IDH3B: variants seen among roughly 807,000 people sequenced by gnomAD.
IDH3B encodes isocitrate dehydrogenase (NAD(+)) 3 non-catalytic subunit beta, also known as isocitrate dehydrogenase [NAD] subunit beta, mitochondrial.
Under a neutral mutation model 47.5 loss-of-function variants are expected in IDH3B, and 40 were observed. The ratio of observed to expected loss-of-function variants is 0.84; its 90% CI spans 0.65 to 1.10. The LOEUF is 1.10. Ranked by LOEUF, IDH3B falls within the 50% of genes least tolerant of loss-of-function variation. The probability of loss-of-function intolerance (pLI) is 0.00; values close to 1 mark genes in which losing one functional copy is unlikely to be tolerated. For synonymous variants in IDH3B, 185 were observed against 191.0 expected (o/e 0.97, Z 0.26); for missense variants, 450 against 505.2 (o/e 0.89, Z 1.05).
chr20:2,662,751 G>A (rs1286661805), intron 4 of IDH3B, among the ~76,000 whole-genome samples: 4 of 152,234 alleles, frequency 2.6e-5, no homozygotes, highest in South Asian at 2.1e-4. Flanking sequence ...TCAGGAGTTC[G>A]AGACCAGCCT....
In IDH3B at chr20:2,658,470, G is replaced by A; in HGVS notation, c.*281C>T. The A allele has an allele frequency of 3.1e-6, 5 of 1,614,142 alleles. No homozygotes were observed. Among genetic ancestry groups the A allele is most frequent in the Non-Finnish European group, 4.2e-6 (5 of 1,180,004 alleles). ...TGGGTGGGGCAAGGCAGCAATGACAGCCTCAGTGAAGTCATGGCAAGTAGC... is the reference window on the plus strand; with the variant it reads ...TGGGTGGGGCAAGGCAGCAATGACAACCTCAGTGAAGTCATGGCAAGTAGC... On this transcript the variant is annotated 3_prime_UTR_variant, in exon 12 of 12. Transcript: ENST00000380843.
In IDH3B at chr20:2,660,275, G is replaced by A. The variant is rs767970629; in HGVS notation, c.756C>T (p.Asn252=). 3 of 1,614,118 alleles carry A rather than the reference G, an allele frequency of 1.9e-6. No homozygotes were observed. Among genetic ancestry groups the A allele is most frequent in the Admixed American group, 1.7e-5 (1 of 60,014 alleles). The change falls in exon 8 of 12, where the codon AAC becomes AAT. Residue 252 remains asparagine, a synonymous_variant. Transcript: ENST00000380843. This position sits in a 1 kb window ranked among gnomAD's most constrained non-coding sequence, Gnocchi z 5.6. ...KIKFETMIID[N]CCMQLVQNPY... Reference sequence around the variant, plus strand: ...GGGGAGGCCTCACCTGCATGCAGCAGTTGTCTATGATCATTGTCTCAAATT... The same window carrying A: ...GGGGAGGCCTCACCTGCATGCAGCAATTGTCTATGATCATTGTCTCAAATT...
At position 2,659,839 on chromosome 20, in the gene IDH3B, G is replaced by T. The variant is rs375706957; in HGVS notation, c.916-46C>A. ...TAGACACTGGGAGGAGGCAGGAGGG[G>T]TATGCAGAGGCTTAGGTTGGAAAAG... On this transcript the variant is annotated intron_variant, in intron 9 of 11. Coordinates refer to ENST00000380843, the MANE Select transcript of IDH3B (RefSeq NM_006899.5). The T allele has an allele frequency of 1.3e-4, 194 of 1,495,230 alleles. No homozygotes were observed. In the African/African-American group the frequency reaches 2.4e-3, roughly 19 times the overall value. 92.6% of individuals were successfully genotyped at this position (1,495,230 alleles called of 1,614,324 possible). A position where few individuals can be genotyped will look rare whatever the true frequency, so the allele number is the denominator to read the frequency against.
At position 2,664,173 on chromosome 20, in the gene IDH3B, C is replaced by T. The variant is rs760454593; in HGVS notation, c.16G>A (p.Gly6Arg). MAALS[G>R]VRWLTRALVS... ...CTCACTCGGGTCAGCCAGCGGACTC[C>T]GCTCAATGCCGCCATGTTTCCCGCA... Residue 6 changes from glycine (G) to arginine (R), a missense_variant, in exon 1 of 12, where the codon GGA becomes AGA. Physicochemically the swap from Gly to Arg is moderately radical, Grantham distance 125. Coordinates refer to ENST00000380843, the MANE Select transcript of IDH3B (RefSeq NM_006899.5). 3.1e-6 allele frequency: 5 copies of T among 1,613,600 alleles called. No homozygotes were observed. Among genetic ancestry groups the T allele is most frequent in the East Asian group, 2.2e-5 (1 of 44,868 alleles).
rs371831187 is a variant in IDH3B, at chr20:2,660,386, A to G, written c.666-21T>C. On this transcript the variant is annotated intron_variant, in intron 7 of 11. Coordinates refer to ENST00000380843, the MANE Select transcript of IDH3B (RefSeq NM_006899.5). The surrounding 1 kb of genome is among the most constrained non-coding windows in gnomAD (Gnocchi z 5.6). The stretch of plus-strand genomic sequence containing the variant: ...GTTTCCTGTCCATGGGCCAAAGGGG[A>G]CAGAATCAGCCAAGAAAGTACAGGG... 1.3e-5 allele frequency: 21 copies of G among 1,613,876 alleles called. No individual in the cohort carries two copies. Among genetic ancestry groups the G allele is most frequent in the Admixed American group, 5.0e-5 (3 of 59,984 alleles).
intron 11 of IDH3B, 69 bp from the exon 12 acceptor site, chr20:2,658,906 GTGAT>G: frequency 6.2e-7 from 1 of 1,603,964 alleles, no homozygotes; most frequent in Non-Finnish European, 8.5e-7. Context: ...GTAGGGCAAT[GTGAT>G]TGAGGAAATG....
At position 2,660,828 on chromosome 20, in the gene IDH3B, G is replaced by C. The variant is rs757627319; in HGVS notation, c.400C>G (p.Arg134Gly). Reference sequence around the variant, plus strand: ...ACGTTGGCAAATAAGTCCAACTTACGCCTGAGGGTGGGCAGGGCCATCAGC... The same window carrying C: ...ACGTTGGCAAATAAGTCCAACTTACCCCTGAGGGTGGGCAGGGCCATCAGC... The part of the protein sequence containing the change: ...ELASYDMRLR[R>G]KLDLFANVVH... Residue 134 changes from arginine (R) to glycine (G), a missense_variant and splice_region_variant, in exon 6 of 12, where the codon CGT becomes GGT. Transcript: ENST00000380843. This position sits in a 1 kb window ranked among gnomAD's most constrained non-coding sequence, Gnocchi z 5.6. 3.2e-5 allele frequency: 52 copies of C among 1,614,000 alleles called. No homozygotes were observed. The highest frequency in any genetic ancestry group is 4.2e-5 in the Non-Finnish European group (50 of 1,180,036).
At chr20:2,659,145 G>A (rs1233845644) in intron 11 of IDH3B, 3 of 1,434,264 alleles carry the variant, frequency 2.1e-6, no homozygotes, top group South Asian at 3.0e-5. Context: ...CCAGGTGGAA[G>A]GAAAGAATCA....
intron 4 of IDH3B, among the ~76,000 whole-genome samples, chr20:2,663,119 G>C (rs1440497657): frequency 7.1e-6 from 1 of 140,786 alleles, no homozygotes; most frequent in African/African-American, 2.7e-5. Flanking sequence ...AGAGCAAGAA[G>C]AAACAAAGAG....
intron 3 of IDH3B, 23 bp from the exon 4 acceptor site, chr20:2,663,589 C>A: frequency 6.2e-7 from 1 of 1,614,204 alleles, no homozygotes; most frequent in South Asian, 1.1e-5. Context: ...GTTCCCAAAA[C>A]ATCACAGTCA....
rs140155681 is a variant in IDH3B at position 2,658,498 on chromosome 20, A to G, written c.*253T>C. ...TCAGTGAAGTCATGGCAAGTAGCAT[A>G]GCCACCCATGTCAGAGGTTCGAACC... On this transcript the variant is annotated 3_prime_UTR_variant, in exon 12 of 12. Coordinates refer to ENST00000380843, the MANE Select transcript of IDH3B (RefSeq NM_006899.5). 787 of 1,614,148 alleles carry G rather than the reference A, an allele frequency of 4.9e-4. No homozygotes were observed. Among genetic ancestry groups the G allele is most frequent in the Non-Finnish European group, 4.9e-4 (579 of 1,180,012 alleles).
Position 2,658,677 on chromosome 20 carries a change from GTC to G in IDH3B, c.*72_*73del. 5 of 1,614,102 alleles carry G rather than the reference GTC, an allele frequency of 3.1e-6. 1 individual carries two copies. The Middle Eastern group carries it at 6.6e-4, about 213-fold the overall frequency. The stretch of plus-strand genomic sequence containing the variant: ...ATGGTCCACTGCTTAGAGGCACAAG[GTC>G]TCTTCCCTGGTACACTGCACTGAAG... On this transcript the variant is annotated 3_prime_UTR_variant, in exon 12 of 12. Coordinates refer to ENST00000380843, the MANE Select transcript of IDH3B (RefSeq NM_006899.5).
At chr20:2,659,994 G>A (rs1172048566) in intron 9 of IDH3B, 36 bp downstream of exon 9, 11 of 1,613,666 alleles carry the variant, frequency 6.8e-6, no homozygotes, top group South Asian at 1.1e-5. Flanking sequence ...GCGGACTTGA[G>A]GTCAGAGGAA....
At chr20:2,664,060 A>G (rs891280191) in intron 1 of IDH3B, 55 bp from the exon 2 acceptor site, 97 of 1,611,100 alleles carry the variant, frequency 6.0e-5, no homozygotes, top group Middle Eastern at 3.3e-4. Context: ...CCAGACCCCG[A>G]ACACTACAGT....
At chr20:2,662,770 T>C (rs1343960041) in intron 4 of IDH3B, among the ~76,000 whole-genome samples, 5 of 152,106 alleles carry the variant, frequency 3.3e-5, no homozygotes, top group Admixed American at 1.3e-4. Context: ...CTGACCAACA[T>C]GGTGAAACCC....
At chr20:2,661,024 C>T in intron 4 of IDH3B, 55 bp from the exon 5 acceptor site, 1 of 1,497,544 alleles carries the variant, frequency 6.7e-7, no homozygotes, top group Non-Finnish European at 9.3e-7. Flanking sequence ...CCCAAGGGAA[C>T]TCAGACCAGT....
intron 10 of IDH3B, 23 bp from the exon 11 acceptor site, chr20:2,659,608 A>ACTGTGACTC (rs1568547296): frequency 6.2e-7 from 1 of 1,613,636 alleles, no homozygotes; most frequent in East Asian, 2.2e-5. Flanking sequence ...ACAGGAAGAA[A>ACTGTGACTC]CTGTGACTCC....
In IDH3B at chr20:2,660,811, A is replaced by C. The variant is rs763141424; in HGVS notation, c.417T>G (p.Phe139Leu). The C allele has an allele frequency of 1.2e-6, 2 of 1,614,058 alleles. No individual in the cohort carries two copies. The highest frequency in any genetic ancestry group is 1.3e-5 in the African/African-American group (1 of 74,922). The change falls in exon 6 of 12, where the codon TTT (phenylalanine) becomes TTG (leucine). Residue 139 changes from phenylalanine (F) to leucine (L), a missense_variant. Coordinates refer to ENST00000380843, the MANE Select transcript of IDH3B (RefSeq NM_006899.5). The surrounding 1 kb of genome is among the most constrained non-coding windows in gnomAD (Gnocchi z 5.6). The part of the protein sequence containing the change: ...DMRLRRKLDL[F>L]ANVVHVKSLP... ...GTGACTTCACATGGACTACGTTGGC[A>C]AATAAGTCCAACTTACGCCTGAGGG...
intron 2 of IDH3B, 43 bp from the exon 3 acceptor site, chr20:2,663,801 C>CGGG: frequency 6.2e-7 from 1 of 1,606,396 alleles, no homozygotes; most frequent in Non-Finnish European, 8.5e-7. Flanking sequence ...AGAGCTGGGG[C>CGGG]GGGAGCACGG....
Sources: allele counts gnomAD v4.1 joint callset (sites outside exome capture counted in the v4.1 genomes callset), GRCh38; gene constraint gnomAD v4.1.1; non-coding constraint Gnocchi (gnomAD v3.1); transcripts MANE v1.5; gene names NCBI Gene and HGNC (gene_info 2026-07-23, HGNC 2026-07-21).